Variants in PRELID1 observed in about 807,000 individuals in gnomAD.
PRELID1 encodes PRELI domain-containing protein 1, mitochondrial.
A neutral mutation model predicts 29.0 loss-of-function variants in PRELID1; 15 were observed. The observed-to-expected ratio is 0.52, with a 90% CI of 0.35 to 0.80. PRELID1 has a LOEUF of 0.80. PRELID1 is among the 30% of genes least tolerant of loss of function. PRELID1 has a pLI of 0.01. For synonymous variants in PRELID1, 79 were observed against 106.5 expected (o/e 0.74, Z 1.59); for missense variants, 187 against 275.9 (o/e 0.68, Z 2.28).
Position 177,304,132 on chromosome 5 carries a change from T to C in PRELID1, c.92+55T>C, listed in dbSNP as rs554709101. 2.3e-5 allele frequency: 34 copies of C among 1,500,584 alleles called. 1 individual carries two copies. The East Asian group carries it at 7.5e-4, about 33-fold the overall frequency. The allele number at this position is 1,500,584 out of a possible 1,614,324, so 93.0% of individuals were successfully genotyped here. A position where few individuals can be genotyped will look rare whatever the true frequency, so the allele number is the denominator to read the frequency against. On this transcript the variant is annotated intron_variant, in intron 1 of 4. Transcript: ENST00000303204. Reference sequence around the variant, plus strand: ...GCCATCTCGCTATCTGGAGATCGAATTATGGGTAACCCCCAAGTACTGGGA... The same window carrying C: ...GCCATCTCGCTATCTGGAGATCGAACTATGGGTAACCCCCAAGTACTGGGA...
Position 177,305,775 on chromosome 5 carries a change from A to G in PRELID1, c.319-96A>G, listed in dbSNP as rs774717851. ...AGGGGAAGGAATGGATTTTCATTGT[A>G]TTGCTTCGCCTCATGAAAAGTGACA... On this transcript the variant is annotated intron_variant, in intron 2 of 4. Transcript: ENST00000303204. 57 of 989,460 alleles carry G rather than the reference A, an allele frequency of 5.8e-5. 1 individual carries two copies. Among genetic ancestry groups the G allele is most frequent in the African/African-American group, 9.5e-5 (6 of 62,898 alleles). 61.3% of individuals were successfully genotyped at this position (989,460 alleles called of 1,614,324 possible).
At position 177,305,960 on chromosome 5, in the gene PRELID1, AT is replaced by A; in HGVS notation, c.411del (p.Phe137LeufsTer19). The A allele has an allele frequency of 6.2e-7, 1 of 1,614,110 alleles. No individual in the cohort carries two copies. The highest frequency in any genetic ancestry group is 8.5e-7 in the Non-Finnish European group (1 of 1,180,002). On this transcript the variant is annotated frameshift_variant, in exon 3 of 5. Coordinates refer to ENST00000303204, the MANE Select transcript of PRELID1 (RefSeq NM_013237.4). LOFTEE classifies it high-confidence loss of function. Reference protein sequence around the residue: ...RREAWVSSSLFGVSRAVQEFG... With the variant: ...RREAWVSSSLXGVSRAVQEFG... The stretch of plus-strand genomic sequence containing the variant: ...GGGAAGCCTGGGTCTCCTCTAGCTT[AT>A]TTGGTGTCTCCAGAGCTGTCCAGGT...
At chr5:177,304,535 C>T (rs1421318765) in intron 1 of PRELID1, 90 bp from the exon 2 acceptor site, 5 of 1,143,690 alleles carry the variant, frequency 4.4e-6, no homozygotes, top group Non-Finnish European at 6.5e-6. Flanking sequence ...GGCGTGGCCT[C>T]TCTAGGCCCG....
At position 177,306,830 on chromosome 5, in the gene PRELID1, G is replaced by T. The variant is rs1760891418; in HGVS notation, c.*260G>T. On this transcript the variant is annotated 3_prime_UTR_variant, in exon 5 of 5. Coordinates refer to ENST00000303204, the MANE Select transcript of PRELID1 (RefSeq NM_013237.4). ...GCCCGGGGCTCCAGGTAGCCTGCAG[G>T]TTAACTGGCGGTAAGTGCTAGACTG... 2 of 741,330 alleles carry T rather than the reference G, an allele frequency of 2.7e-6. No homozygotes were observed. The highest frequency in any genetic ancestry group is 4.3e-6 in the Non-Finnish European group (2 of 466,990). The allele number at this position is 741,330 out of a possible 1,614,324, so 45.9% of individuals were successfully genotyped here.
intron 1 of PRELID1, 171 bp from the exon 2 acceptor site, chr5:177,304,454 A>G: frequency 1.4e-6 from 1 of 709,552 alleles, no homozygotes; most frequent in African/African-American, 1.7e-5. Flanking sequence ...CGGGAGTGGG[A>G]ATTTGCCCTG....
At chr5:177,304,319 T>C in intron 1 of PRELID1, 1 of 597,620 alleles carries the variant, frequency 1.7e-6, no homozygotes, top group East Asian at 2.8e-5. Context: ...GAGGCGGCAG[T>C]ATGGGAGTTG....
intron 1 of PRELID1, 139 bp from the exon 2 acceptor site, chr5:177,304,486 T>G: frequency 1.3e-6 from 1 of 785,920 alleles, no homozygotes; most frequent in Non-Finnish European, 2.2e-6. Flanking sequence ...TAACTCTGGT[T>G]TGAACCATAG....
At position 177,306,536 on chromosome 5, in the gene PRELID1, C is replaced by T. The variant is rs749656878; in HGVS notation, c.626C>T (p.Thr209Ile). ...KAKDLASKAA[T>I]KKQQQQQQFV is the part of the protein sequence containing the mutation. ...AAGGACCTCGCCAGCAAGGCGGCCA[C>T]CAAGAAGCAGCAGCAGCAGCAACAG... is the stretch of plus-strand genomic sequence containing the variant. The change falls in exon 5 of 5, where the codon ACC becomes ATC. Residue 209 changes from threonine to isoleucine, a missense_variant. Transcript: ENST00000303204. 1.2e-6 allele frequency: 2 copies of T among 1,612,164 alleles called. No individual in the cohort carries two copies. The highest frequency in any genetic ancestry group is 3.3e-4 in the Middle Eastern group (2 of 6,056).
rs1282647230 is a variant in PRELID1 at position 177,306,083 on chromosome 5, C to G, written c.433-15C>G. On this transcript the variant is annotated splice_polypyrimidine_tract_variant and intron_variant, in intron 3 of 4. Coordinates refer to ENST00000303204, the MANE Select transcript of PRELID1 (RefSeq NM_013237.4). ...TGGGCAACTCAGTATCCTTCCCATT[C>G]TCATCTCATGCCAGGAATTTGGTCT... 1 of 1,607,568 alleles carries G rather than the reference C, an allele frequency of 6.2e-7. No individual in the cohort carries two copies. Among genetic ancestry groups the G allele is most frequent in the Non-Finnish European group, 8.5e-7 (1 of 1,174,118 alleles).
In PRELID1 at chr5:177,306,673, T is replaced by C; in HGVS notation, c.*103T>C. On this transcript the variant is annotated 3_prime_UTR_variant, in exon 5 of 5. Transcript: ENST00000303204. ...AAAATCAACTTCCAGCCCTGTCTGC[T>C]GTCTACGTGGTGGGTTGTGGGGATG... The C allele has an allele frequency of 6.8e-7, 1 of 1,476,332 alleles. No homozygotes were observed. Among genetic ancestry groups the C allele is most frequent in the Non-Finnish European group, 9.1e-7 (1 of 1,095,706 alleles). The allele number at this position is 1,476,332 out of a possible 1,614,324, so 91.5% of individuals were successfully genotyped here.
chr5:177,304,420 C>G (rs927147307), intron 1 of PRELID1: 4 of 673,320 alleles, frequency 5.9e-6, no homozygotes, highest in Non-Finnish European at 1.1e-5. Context: ...TGCTAGAAGG[C>G]AGGAATCCAG....
Position 177,306,846 on chromosome 5 carries a change from T to TGCTAGACTGTAAGC in PRELID1, c.*277_*290dup, listed in dbSNP as rs1561593652. The TGCTAGACTGTAAGC allele has an allele frequency of 1.4e-6, 1 of 725,280 alleles. No homozygotes were observed. Among genetic ancestry groups the TGCTAGACTGTAAGC allele is most frequent in the East Asian group, 2.7e-5 (1 of 36,760 alleles). The allele number at this position is 725,280 out of a possible 1,614,324, so 44.9% of individuals were successfully genotyped here. On this transcript the variant is annotated 3_prime_UTR_variant, in exon 5 of 5. Coordinates refer to ENST00000303204, the MANE Select transcript of PRELID1 (RefSeq NM_013237.4). ...AGCCTGCAGGTTAACTGGCGGTAAG[T>TGCTAGACTGTAAGC]GCTAGACTGTAAGCCCGACAAGGGC... is the stretch of plus-strand genomic sequence containing the variant.
chr5:177,306,840 G>GGTAA lies in PRELID1; in HGVS notation c.*273_*276dup. On this transcript the variant is annotated 3_prime_UTR_variant, in exon 5 of 5. Coordinates refer to ENST00000303204, the MANE Select transcript of PRELID1 (RefSeq NM_013237.4). ...CCAGGTAGCCTGCAGGTTAACTGGC[G>GGTAA]GTAAGTGCTAGACTGTAAGCCCGAC... 1.4e-6 allele frequency: 1 copy of GGTAA among 731,258 alleles called. No homozygotes were observed. The highest frequency in any genetic ancestry group is 2.2e-6 in the Non-Finnish European group (1 of 457,792). 45.3% of individuals were successfully genotyped at this position (731,258 alleles called of 1,614,324 possible). A position where few individuals can be genotyped will look rare whatever the true frequency, so the allele number is the denominator to read the frequency against.
rs1196923384 is a variant in PRELID1, at chr5:177,304,044, C to G, written c.59C>G (p.Ala20Gly). 21 of 1,611,934 alleles carry G rather than the reference C, an allele frequency of 1.3e-5. No homozygotes were observed. The highest frequency in any genetic ancestry group is 1.8e-5 in the Non-Finnish European group (21 of 1,179,956). The change falls in exon 1 of 5, where the codon GCC (alanine) becomes GGC (glycine). Residue 20 changes from alanine (A) to glycine (G), a missense_variant. Transcript: ENST00000303204. ...VLRSSWDQVF[A>G]AFWQRYPNPY... ...CGGAGTTCCTGGGACCAAGTGTTCG[C>G]CGCCTTCTGGCAGCGGTACCCGAAT...
At chr5:177,304,532 CCT>C in intron 1 of PRELID1, 91 bp from the exon 2 acceptor site, 3 of 1,078,506 alleles carry the variant, frequency 2.8e-6, no homozygotes, top group Non-Finnish European at 4.2e-6. Context: ...GAAGGCGTGG[CCT>C]CTCTAGGCCC....
At position 177,303,939 on chromosome 5, in the gene PRELID1, C is replaced by T. The variant is rs751871711; in HGVS notation, c.-47C>T. The T allele has an allele frequency of 6.4e-7, 1 of 1,560,102 alleles. No homozygotes were observed. Among genetic ancestry groups the T allele is most frequent in the Non-Finnish European group, 8.7e-7 (1 of 1,148,900 alleles). On this transcript the variant is annotated 5_prime_UTR_variant, in exon 1 of 5. Transcript: ENST00000303204. This position sits in a 1 kb window ranked among gnomAD's most constrained non-coding sequence, Gnocchi z 6.1. ...CGGCCCTCGCGTGCCTCCCAGGCTC[C>T]GCACCCCTGATGCTGCGCGGGTGCT...
chr5:177,305,794 A>T (rs1442752801), intron 2 of PRELID1, 77 bp from the exon 3 acceptor site: 2 of 1,224,782 alleles, frequency 1.6e-6, no homozygotes, highest in Non-Finnish European at 2.4e-6. Context: ...CCTCATGAAA[A>T]GTGACAGGGA....
rs1392297894 is a variant in PRELID1, at chr5:177,303,992, A to G, written c.7A>G (p.Lys3Glu). Residue 3 changes from lysine to glutamate, a missense_variant, in exon 1 of 5, where the codon AAG (lysine) becomes GAG (glutamate). Lys to Glu is a moderately conservative substitution (Grantham distance 56, BLOSUM62 1). Coordinates refer to ENST00000303204, the MANE Select transcript of PRELID1 (RefSeq NM_013237.4). The surrounding 1 kb of genome is among the most constrained non-coding windows in gnomAD (Gnocchi z 6.1). ...GCCCGCTTCGGCCGGGACGATGGTG[A>G]AGTATTTCCTGGGCCAGAGCGTGCT... MV[K>E]YFLGQSVLRS... 6.2e-7 allele frequency: 1 copy of G among 1,610,174 alleles called. No individual in the cohort carries two copies. Among genetic ancestry groups the G allele is most frequent in the Non-Finnish European group, 8.5e-7 (1 of 1,179,824 alleles).
In PRELID1 at chr5:177,306,188, G is replaced by A. The variant is rs1398092589; in HGVS notation, c.511+12G>A. Reference sequence around the variant, plus strand: ...GGCTAAGCTGCAAGGTGAGTTTCTGGGTATGTGGATATTCCTCATAGGGAG... The same window carrying A: ...GGCTAAGCTGCAAGGTGAGTTTCTGAGTATGTGGATATTCCTCATAGGGAG... On this transcript the variant is annotated intron_variant, in intron 4 of 4. Coordinates refer to ENST00000303204, the MANE Select transcript of PRELID1 (RefSeq NM_013237.4). 4.3e-6 allele frequency: 7 copies of A among 1,609,454 alleles called. No individual in the cohort carries two copies. In the African/African-American group the frequency reaches 6.7e-5, roughly 15 times the overall value.
Sources: allele counts gnomAD v4.1 joint callset, GRCh38; gene constraint gnomAD v4.1.1; non-coding constraint Gnocchi (gnomAD v3.1); transcripts MANE v1.5; gene names NCBI Gene and HGNC (gene_info 2026-07-23, HGNC 2026-07-21).